ANKFN1: variants seen among roughly 807,000 people sequenced by gnomAD.
ANKFN1 encodes ankyrin repeat and fibronectin type III domain containing 1, also known as ankyrin repeat and fibronectin type-III domain-containing protein 1.
A neutral mutation model predicts 108.7 loss-of-function variants in ANKFN1; 74 were observed. The observed-to-expected ratio is 0.68, with a 90% CI of 0.56 to 0.83. The LOEUF is 0.83. Ranked by LOEUF, ANKFN1 falls within the 40% of genes least tolerant of loss-of-function variation. The probability of loss-of-function intolerance (pLI) is 0.00; values close to 1 mark genes in which losing one functional copy is unlikely to be tolerated. For synonymous variants in ANKFN1, 547 were observed against 516.2 expected (o/e 1.06, Z -0.81); for missense variants, 1,505 against 1,382.3 (o/e 1.09, Z -1.41).
chr17:56,082,282 GTTTTGTTTTTGTTTTTGTTTTTGT>G (rs71137193), intron 4 of ANKFN1, among the ~76,000 whole-genome samples: 2 of 150,614 alleles, frequency 1.3e-5, no homozygotes, highest in Middle Eastern at 3.4e-3. Context: ...TTGTTGTTTT[GTTTTGTTTTTGTTTTTGTTTTTGT>G]TTTTGTTTTT....
At chr17:56,120,124 G>A (rs1906522429) in intron 4 of ANKFN1, among the ~76,000 whole-genome samples, 1 of 152,032 alleles carries the variant, frequency 6.6e-6, no homozygotes, top group African/African-American at 2.4e-5. Context: ...TTTTCAACAT[G>A]GGTTTACCAT....
chr17:56,415,091 A>G (rs984509820), intron 8 of ANKFN1, among the ~76,000 whole-genome samples: 1 of 152,158 alleles, frequency 6.6e-6, no homozygotes, highest in African/African-American at 2.4e-5. Context: ...AGAACTACAT[A>G]TAACAGACTC....
chr17:56,237,206 T>C (rs990744297), intron 3 of ANKFN1, among the ~76,000 whole-genome samples: 3 of 152,184 alleles, frequency 2.0e-5, no homozygotes, highest in Non-Finnish European at 2.9e-5. Context: ...ATAAAGGATA[T>C]TGGCCTGAAG....
intron 11 of ANKFN1, among the ~76,000 whole-genome samples, chr17:56,450,628 G>A (rs1010333936): frequency 1.3e-5 from 2 of 152,098 alleles, no homozygotes; most frequent in Non-Finnish European, 2.9e-5. Context: ...ATTTAACCAG[G>A]CCAGTTGTTA....
At chr17:56,408,336 T>C (rs1238560270) in intron 8 of ANKFN1, among the ~76,000 whole-genome samples, 2 of 152,352 alleles carry the variant, frequency 1.3e-5, no homozygotes, top group East Asian at 3.9e-4. Flanking sequence ...TTTATCTTCC[T>C]ATGTGAGTGT....
At chr17:56,428,228 C>A (rs2048634930) in intron 8 of ANKFN1, among the ~76,000 whole-genome samples, 2 of 151,008 alleles carry the variant, frequency 1.3e-5, no homozygotes, top group African/African-American at 4.9e-5. Flanking sequence ...GAGTGAAAAT[C>A]CATCTCAAAA....
intron 3 of ANKFN1, among the ~76,000 whole-genome samples, chr17:56,278,643 AT>A (rs1377577092): frequency 1.3e-5 from 2 of 152,144 alleles, no homozygotes; most frequent in African/African-American, 2.4e-5. Context: ...CATCACCAGT[AT>A]TTTTTTAAGT....
intron 3 of ANKFN1, among the ~76,000 whole-genome samples, chr17:56,312,268 C>T (rs989704482): frequency 1.3e-5 from 2 of 152,162 alleles, no homozygotes; most frequent in African/African-American, 4.8e-5. Flanking sequence ...TGAGAAGGTG[C>T]TTGATATTCC....
chr17:56,262,846 C>T (rs907419957), intron 3 of ANKFN1, among the ~76,000 whole-genome samples: 7 of 151,892 alleles, frequency 4.6e-5, no homozygotes, highest in African/African-American at 1.5e-4. Context: ...GTTAGAGAGA[C>T]GAGCCACAAA....
At chr17:56,381,995 A>G (rs1473076016) in intron 8 of ANKFN1, among the ~76,000 whole-genome samples, 2 of 152,152 alleles carry the variant, frequency 1.3e-5, no homozygotes, top group East Asian at 3.9e-4. Flanking sequence ...CAGATTCACC[A>G]AAGTTGAAAT....
chr17:56,188,076 A>G (rs1912424404), intron 1 of ANKFN1, among the ~76,000 whole-genome samples: 1 of 151,996 alleles, frequency 6.6e-6, no homozygotes, highest in Admixed American at 6.5e-5. Context: ...AACTTAAAGT[A>G]TAAGAATCAA....
At chr17:56,210,379 A>G (rs1914893173) in intron 1 of ANKFN1, among the ~76,000 whole-genome samples, 3 of 152,040 alleles carry the variant, frequency 2.0e-5, no homozygotes, top group Admixed American at 1.3e-4. Flanking sequence ...TTCCCTTTTC[A>G]CCACATCCAT....
intron 1 of ANKFN1, among the ~76,000 whole-genome samples, chr17:56,167,779 C>T (rs989823437): frequency 6.6e-6 from 1 of 152,096 alleles, no homozygotes; most frequent in Non-Finnish European, 1.5e-5. Flanking sequence ...ATCTGGATCA[C>T]GTGGAAACTT....
chr17:56,326,465 C>A (rs2045519804), intron 4 of ANKFN1, 110 bp downstream of exon 4: 1 of 1,368,876 alleles, frequency 7.3e-7, no homozygotes, highest in Non-Finnish European at 9.7e-7. Flanking sequence ...ACTTAAAAAT[C>A]TGCATCTTCC....
At chr17:56,418,116 G>T (rs564481389) in intron 8 of ANKFN1, among the ~76,000 whole-genome samples, 190 of 152,230 alleles carry the variant, frequency 1.2e-3, no homozygotes, top group African/African-American at 4.4e-3. Context: ...ATTATTAAGT[G>T]GTTTCTGGAG....
chr17:56,448,949 C>T, intron 10 of ANKFN1, 130 bp from the exon 11 acceptor site: 1 of 648,462 alleles, frequency 1.5e-6, no homozygotes, highest in Non-Finnish European at 2.7e-6. Context: ...CCTGCTTGCT[C>T]TGCATGTGCG....
chr17:56,442,709 T>A, intron 9 of ANKFN1, 134 bp from the exon 10 acceptor site: 2 of 678,952 alleles, frequency 2.9e-6, no homozygotes, highest in South Asian at 2.4e-5. Context: ...GCCCATGAAC[T>A]CTGTTGCATG....
chr17:56,511,418 T>A lies in ANKFN1; in HGVS notation c.*149T>A, dbSNP rs1331439192. ...AGGTTACAAGTTCAAGGTCCTCTTT[T>A]TTTGGAACAGAGTGGTGGGTGGAGG... is the stretch of plus-strand genomic sequence containing the variant. On this transcript the variant is annotated 3_prime_UTR_variant, in exon 21 of 21. Transcript: ENST00000682825. 2 of 946,860 alleles carry A rather than the reference T, an allele frequency of 2.1e-6. No individual in the cohort carries two copies. Among genetic ancestry groups the A allele is most frequent in the African/African-American group, 3.3e-5 (2 of 60,202 alleles). The allele number at this position is 946,860 out of a possible 1,614,324, so 58.7% of individuals were successfully genotyped here.
At chr17:56,366,080 A>T (rs1301457823) in intron 6 of ANKFN1, among the ~76,000 whole-genome samples, 1 of 152,180 alleles carries the variant, frequency 6.6e-6, no homozygotes, top group Non-Finnish European at 1.5e-5. Context: ...GTGGAAGATG[A>T]TGATGTTGAT....
Sources: allele counts gnomAD v4.1 joint callset (sites outside exome capture counted in the v4.1 genomes callset), GRCh38; gene constraint gnomAD v4.1.1; transcripts MANE v1.5; gene names NCBI Gene and HGNC (gene_info 2026-07-23, HGNC 2026-07-21).